Variants in NLGN1 observed in about 807,000 individuals in gnomAD.
The protein encoded by NLGN1 is neuroligin 1, also known as neuroligin-1.
Under a neutral mutation model 65.5 loss-of-function variants are expected in NLGN1, and 12 were observed. The observed-to-expected ratio is 0.18, with a 90% confidence interval of 0.12 to 0.30. The LOEUF is 0.30. Among genes scored for constraint, NLGN1 ranks in the 10% least tolerant of loss-of-function variants. NLGN1 has a pLI of 1.00. For synonymous variants in NLGN1, 350 were observed against 359.5 expected, an observed-to-expected ratio of 0.97 and a Z score of 0.30; for missense variants, 750 against 1,007.1, an observed-to-expected ratio of 0.74 and a Z score of 3.46.
chr3:174,265,781 A>ATATATG lies in NLGN1; in HGVS notation c.647-9533_647-9532insATATGT, dbSNP rs540243032. ...AAGAAGGCTATATATATATATATAT[A>ATATATG]TGTATATATATATATATATAGCCAA... On this transcript the variant is annotated intron_variant, in intron 4 of 6. Coordinates refer to ENST00000457714, the Ensembl canonical transcript of NLGN1. Among the ~76,000 whole-genome samples the ATATATG allele has an allele frequency of 8.6e-3, 1,156 of 134,700 alleles. 21 individuals are homozygous for ATATATG. The highest frequency in any genetic ancestry group is 0.021 in the South Asian group (93 of 4,416). The allele number at this position is 134,700 out of a possible 152,430, so 88.4% of individuals were successfully genotyped here. A position where few individuals can be genotyped will look rare whatever the true frequency, so the allele number is the denominator to read the frequency against.
intron 4 of NLGN1, among the ~76,000 whole-genome samples, chr3:174,122,028 G>A (rs928054673): frequency 5.9e-5 from 9 of 152,032 alleles, no homozygotes; most frequent in Non-Finnish European, 1.0e-4. Flanking sequence ...AAATTTTTCC[G>A]TCTTTCCTAA....
At chr3:173,446,275 T>G (rs1343701147) in intron 2 of NLGN1, among the ~76,000 whole-genome samples, 1 of 148,272 alleles carries the variant, frequency 6.7e-6, no homozygotes, top group Non-Finnish European at 1.5e-5. Context: ...CCATGTGTTC[T>G]CATTGTTCAA....
At chr3:173,588,360 G>A (rs1223152431) in intron 2 of NLGN1, among the ~76,000 whole-genome samples, 1 of 152,138 alleles carries the variant, frequency 6.6e-6, no homozygotes, top group Non-Finnish European at 1.5e-5. Flanking sequence ...ATGAAATAAT[G>A]TTGATAATGT....
intron 2 of NLGN1, among the ~76,000 whole-genome samples, chr3:173,545,135 C>T (rs902210651): frequency 4.0e-5 from 6 of 151,878 alleles, no homozygotes; most frequent in Non-Finnish European, 8.8e-5. Flanking sequence ...AGTGTAAAGT[C>T]GCAATTTCGG....
intron 4 of NLGN1, among the ~76,000 whole-genome samples, chr3:174,005,659 A>G (rs1724214257): frequency 2.0e-5 from 3 of 151,744 alleles, no homozygotes. Context: ...GTGTTCATGC[A>G]TGCAGTTGCT....
In NLGN1 at chr3:173,656,006, A is replaced by G. The variant is rs562527642; in HGVS notation, c.493+50915A>G. Among the ~76,000 whole-genome samples, 38 of 152,214 alleles carry G rather than the reference A, an allele frequency of 2.5e-4. 2 individuals are homozygous for G. The highest frequency in any genetic ancestry group is 8.4e-4 in the African/African-American group (35 of 41,554). ...AGGGGCTCAAGAGCCCTGTTAAAGAATTTTTTGGGGGTTTAAATATCCTCA... is the reference window on the plus strand; with the variant it reads ...AGGGGCTCAAGAGCCCTGTTAAAGAGTTTTTTGGGGGTTTAAATATCCTCA... On this transcript the variant is annotated intron_variant, in intron 3 of 6. Coordinates refer to ENST00000457714, the Ensembl canonical transcript of NLGN1.
chr3:173,519,462 C>A (rs1249420250), intron 2 of NLGN1, among the ~76,000 whole-genome samples: 1 of 152,240 alleles, frequency 6.6e-6, no homozygotes, highest in Non-Finnish European at 1.5e-5. Context: ...GGGACTGAAC[C>A]CTGGAAAGCC....
At chr3:174,085,726 T>C (rs1443754282) in intron 4 of NLGN1, among the ~76,000 whole-genome samples, 1 of 152,092 alleles carries the variant, frequency 6.6e-6, no homozygotes, top group Admixed American at 6.5e-5. Context: ...AAATTTCTAA[T>C]TTTTAATCTG....
intron 3 of NLGN1, among the ~76,000 whole-genome samples, chr3:173,660,478 A>T (rs1760774907): frequency 6.6e-6 from 1 of 151,900 alleles, no homozygotes; most frequent in Admixed American, 6.6e-5. Flanking sequence ...GTTTCTGAAT[A>T]TATATACATT....
At chr3:173,775,507 C>T (rs1489558089) in intron 3 of NLGN1, among the ~76,000 whole-genome samples, 1 of 151,912 alleles carries the variant, frequency 6.6e-6, no homozygotes, top group Non-Finnish European at 1.5e-5. Flanking sequence ...GATCATGCCT[C>T]CTGCATGAGA....
intron 4 of NLGN1, among the ~76,000 whole-genome samples, chr3:174,068,989 T>C (rs1339959648): frequency 2.0e-5 from 3 of 152,148 alleles, no homozygotes; most frequent in African/African-American, 7.2e-5. Context: ...AGAGTTATTG[T>C]TAAACATAGT....
chr3:174,044,066 C>T (rs758943578), intron 4 of NLGN1, among the ~76,000 whole-genome samples: 5 of 152,172 alleles, frequency 3.3e-5, no homozygotes, highest in Non-Finnish European at 7.3e-5. Flanking sequence ...TCCTCTGAAG[C>T]CATGGCCTAG....
intron 3 of NLGN1, among the ~76,000 whole-genome samples, chr3:173,777,623 GTCTGTCTGTCTATCTATCTATCTA>G (rs1243019207): frequency 2.4e-3 from 28 of 11,546 alleles, no homozygotes; most frequent in African/African-American, 3.7e-3. Context: ...CTGTCTGTCT[GTCTGTCTGTCTATCTATCTATCTA>G]TCTATCTATC....
chr3:173,406,589 CAT>C (rs559456525), intron 1 of NLGN1, among the ~76,000 whole-genome samples: 2 of 146,148 alleles, frequency 1.4e-5, no homozygotes, highest in Admixed American at 6.9e-5. Flanking sequence ...TATATGTATT[CAT>C]ATATATATAT....
At chr3:174,202,338 G>C (rs1327329994) in intron 4 of NLGN1, among the ~76,000 whole-genome samples, 1 of 152,030 alleles carries the variant, frequency 6.6e-6, no homozygotes, top group Non-Finnish European at 1.5e-5. Context: ...TCCCAGTGTA[G>C]ATAGGATCCA....
intron 2 of NLGN1, among the ~76,000 whole-genome samples, chr3:173,447,686 C>T (rs1720648617): frequency 6.6e-6 from 1 of 152,168 alleles, no homozygotes; most frequent in African/African-American, 2.4e-5. Context: ...TTCTTCCTAC[C>T]CATGAGCATG....
intron 4 of NLGN1, among the ~76,000 whole-genome samples, chr3:173,960,475 G>A (rs1381125360): frequency 1.3e-5 from 2 of 151,770 alleles, no homozygotes; most frequent in Admixed American, 1.3e-4. Flanking sequence ...AAATTTTAGA[G>A]ATTTGTAGAG....
At chr3:173,525,047 A>G (rs796559337) in intron 2 of NLGN1, among the ~76,000 whole-genome samples, 1 of 152,018 alleles carries the variant, frequency 6.6e-6, no homozygotes, top group African/African-American at 2.4e-5. Context: ...TTGTGTTCTT[A>G]CCTGATCAGA....
intron 4 of NLGN1, among the ~76,000 whole-genome samples, chr3:174,241,407 GA>G (rs1742780236): frequency 6.6e-6 from 1 of 151,442 alleles, no homozygotes; most frequent in African/African-American, 2.4e-5. Context: ...TAGAGATATG[GA>G]TGCCCAATTA....
Sources: allele counts gnomAD v4.1 joint callset (sites outside exome capture counted in the v4.1 genomes callset), GRCh38; gene constraint gnomAD v4.1.1; transcripts MANE v1.5; gene names NCBI Gene and HGNC (gene_info 2026-07-23, HGNC 2026-07-21).